KAZN: variants seen among roughly 807,000 people sequenced by gnomAD.
KAZN encodes the protein kazrin.
Under a neutral mutation model 87.4 loss-of-function variants are expected in KAZN, and 40 were observed. The observed-to-expected ratio is 0.46, with a 90% CI of 0.36 to 0.60. The LOEUF is 0.60. KAZN is among the 20% of genes least tolerant of loss of function. KAZN has a pLI of 0.00. For synonymous variants in KAZN, 466 were observed against 458.3 expected, an observed-to-expected ratio of 1.02 and a Z score of -0.22; for missense variants, 898 against 1,073.9, an observed-to-expected ratio of 0.84 and a Z score of 2.29.
intron 1 of KAZN, among the ~76,000 whole-genome samples, chr1:13,908,162 G>T (rs1053257323): frequency 6.6e-6 from 1 of 152,216 alleles, no homozygotes; most frequent in African/African-American, 2.4e-5. Context: ...TACTGAAGAC[G>T]TGGTTTATTT....
chr1:15,051,828 T>C (rs543351766), intron 4 of KAZN, among the ~76,000 whole-genome samples: 66 of 152,344 alleles, frequency 4.3e-4, no homozygotes, highest in African/African-American at 1.4e-3. Context: ...CATCTTATAT[T>C]GTGGGACCTT....
chr1:14,994,944 C>G (rs1025290171), intron 2 of KAZN, among the ~76,000 whole-genome samples: 17 of 152,372 alleles, frequency 1.1e-4, no homozygotes, highest in African/African-American at 3.6e-4. Context: ...TCAGACACAG[C>G]ATGGAGTAGG....
chr1:14,416,809 G>A (rs1215403819), intron 2 of KAZN, among the ~76,000 whole-genome samples: 1 of 151,910 alleles, frequency 6.6e-6, no homozygotes, highest in Non-Finnish European at 1.5e-5. Context: ...AAACCCAGCT[G>A]CATGTGGTGG....
At chr1:14,196,529 G>A (rs1215379962) in intron 2 of KAZN, among the ~76,000 whole-genome samples, 1 of 152,084 alleles carries the variant, frequency 6.6e-6, no homozygotes, top group Non-Finnish European at 1.5e-5. Flanking sequence ...GGAGTCAAGG[G>A]CAACCCTGAG....
At chr1:13,997,899 G>T (rs544245006) in intron 1 of KAZN, among the ~76,000 whole-genome samples, 1 of 152,082 alleles carries the variant, frequency 6.6e-6, no homozygotes, top group South Asian at 2.1e-4. Context: ...AAGAAGATCA[G>T]CCCCAAGACA....
intron 2 of KAZN, among the ~76,000 whole-genome samples, chr1:14,564,134 C>T (rs765358159): frequency 1.3e-5 from 2 of 151,964 alleles, no homozygotes; most frequent in African/African-American, 2.4e-5. Context: ...TTAAGTCCTA[C>T]CTTCCTATCT....
chr1:14,633,279 A>G (rs1242124815), intron 1 of KAZN, among the ~76,000 whole-genome samples: 2 of 152,126 alleles, frequency 1.3e-5, no homozygotes, highest in African/African-American at 4.8e-5. Flanking sequence ...AAGTCCCCAA[A>G]ACTTTGTATG....
intron 1 of KAZN, among the ~76,000 whole-genome samples, chr1:14,851,486 G>A (rs184479992): frequency 0.011 from 1,726 of 152,294 alleles, 49 homozygotes; most frequent in Admixed American, 0.072. Flanking sequence ...ATGTGCAGAG[G>A]GCCCATGGAG....
chr1:14,393,859 A>G (rs1662661691), intron 2 of KAZN, among the ~76,000 whole-genome samples: 1 of 151,742 alleles, frequency 6.6e-6, no homozygotes, highest in African/African-American at 2.4e-5. Context: ...AAAAAAAAAA[A>G]AAAGTCATGA....
At chr1:14,725,851 C>T (rs550027269) in intron 1 of KAZN, among the ~76,000 whole-genome samples, 21 of 152,310 alleles carry the variant, frequency 1.4e-4, no homozygotes, top group African/African-American at 5.1e-4. Flanking sequence ...TAGCAGGTTT[C>T]CTGTGATGCT....
intron 1 of KAZN, among the ~76,000 whole-genome samples, chr1:13,967,374 A>G (rs1210016227): frequency 6.6e-6 from 1 of 152,172 alleles, no homozygotes; most frequent in Non-Finnish European, 1.5e-5. Context: ...GGATTACCTC[A>G]GGGAGCCTTT....
At chr1:15,078,773 C>T (rs369593976) in intron 8 of KAZN, among the ~76,000 whole-genome samples, 97 of 152,276 alleles carry the variant, frequency 6.4e-4, no homozygotes, top group African/African-American at 2.2e-3. Flanking sequence ...CCAGTTAGAA[C>T]GTTTCATGAG....
At chr1:14,008,868 A>G (rs1219556839) in intron 1 of KAZN, among the ~76,000 whole-genome samples, 4 of 152,204 alleles carry the variant, frequency 2.6e-5, no homozygotes, top group African/African-American at 9.6e-5. Context: ...TGTTAAATAC[A>G]TTTATAACAT....
chr1:15,015,760 C>G (rs907913638), intron 2 of KAZN, among the ~76,000 whole-genome samples: 1 of 152,190 alleles, frequency 6.6e-6, no homozygotes, highest in Non-Finnish European at 1.5e-5. Context: ...CTGGTGGGCA[C>G]AGTCCCCCTT....
At chr1:14,795,769 T>C (rs929186880) in intron 1 of KAZN, among the ~76,000 whole-genome samples, 8 of 152,204 alleles carry the variant, frequency 5.3e-5, no homozygotes, top group African/African-American at 1.9e-4. Context: ...CTTGCTTTTC[T>C]TGTGGCATGA....
chr1:15,028,187 C>T (rs1389780249), intron 2 of KAZN, among the ~76,000 whole-genome samples: 1 of 152,226 alleles, frequency 6.6e-6, no homozygotes, highest in East Asian at 1.9e-4. Flanking sequence ...ATAAGTGCCT[C>T]CCACACACCC....
chr1:14,844,090 G>A (rs1259605294), intron 1 of KAZN, among the ~76,000 whole-genome samples: 1 of 152,144 alleles, frequency 6.6e-6, no homozygotes, highest in Non-Finnish European at 1.5e-5. Context: ...TTTTCCAAAT[G>A]TATGCTTTGA....
chr1:15,080,278 GC>G (rs1171834449), intron 8 of KAZN, among the ~76,000 whole-genome samples: 3 of 152,222 alleles, frequency 2.0e-5, no homozygotes, highest in Admixed American at 2.0e-4. Context: ...GCAGCACTCT[GC>G]TGGACTTTTC....
chr1:14,806,486 G>T (rs142346942), intron 1 of KAZN, among the ~76,000 whole-genome samples: 1 of 152,134 alleles, frequency 6.6e-6, no homozygotes, highest in Admixed American at 6.5e-5. Flanking sequence ...TTTCTCAGCC[G>T]GATGGCTCTC....
Sources: gnomAD v4.1 joint callset for allele counts (sites outside exome capture counted in the v4.1 genomes callset) on GRCh38, gnomAD v4.1.1 for gene constraint, MANE v1.5 for transcripts, NCBI Gene and HGNC (gene_info 2026-07-23, HGNC 2026-07-21) for gene names.